ANXA3: variants seen among roughly 807,000 people sequenced by gnomAD.
The protein encoded by ANXA3 is annexin A3, also known as 35-alpha calcimedin.
A neutral mutation model predicts 48.8 loss-of-function variants in ANXA3; 46 were observed. The observed-to-expected ratio is 0.94, with a 90% CI of 0.74 to 1.21. The LOEUF is 1.21. Among genes scored for constraint, ANXA3 ranks in the 50% most tolerant of loss-of-function variants. ANXA3 has a pLI of 0.00. For synonymous variants in ANXA3, 128 were observed against 134.7 expected (o/e 0.95, Z 0.35); for missense variants, 383 against 378.6 (o/e 1.01, Z -0.10).
chr4:78,591,791 C>A (rs908474576), intron 7 of ANXA3, among the ~76,000 whole-genome samples, 168 bp downstream of exon 7: 2 of 152,106 alleles, frequency 1.3e-5, no homozygotes, highest in Non-Finnish European at 2.9e-5. Context: ...TAATGTTTAA[C>A]CAAGATCATA....
intron 7 of ANXA3, among the ~76,000 whole-genome samples, chr4:78,595,050 T>C (rs749735048): frequency 1.3e-5 from 2 of 152,188 alleles, no homozygotes; most frequent in Non-Finnish European, 2.9e-5. Flanking sequence ...AGCGGGAAGA[T>C]GGCTTGAGCC....
chr4:78,564,742 A>T (rs182949107), intron 2 of ANXA3, among the ~76,000 whole-genome samples: 1 of 152,340 alleles, frequency 6.6e-6, no homozygotes, highest in African/African-American at 2.4e-5. Context: ...GAGAGGACTG[A>T]AGGTAAAAAT....
chr4:78,570,569 G>C (rs555520055), intron 2 of ANXA3, among the ~76,000 whole-genome samples: 2 of 152,294 alleles, frequency 1.3e-5, no homozygotes, highest in East Asian at 3.9e-4. Flanking sequence ...ATCACTCCAG[G>C]TGGTACAGAG....
At position 78,597,424 on chromosome 4, in the gene ANXA3, C is replaced by T. The variant is rs1277698781; in HGVS notation, c.730+10C>T. 3 of 1,548,730 alleles carry T rather than the reference C, an allele frequency of 1.9e-6. No homozygotes were observed. Among genetic ancestry groups the T allele is most frequent in the Non-Finnish European group, 2.7e-6 (3 of 1,127,550 alleles). On this transcript the variant is annotated intron_variant, in intron 10 of 12. Transcript: ENST00000264908. ...TTACTGTTGGCCATAGGTAAGACTT[C>T]GAGTGCTGGTAAACTAAGTTACTTT...
rs1204678817 is a variant in ANXA3, at chr4:78,597,417, A to C, written c.730+3A>C. On this transcript the variant is annotated splice_donor_region_variant and intron_variant, in intron 10 of 12. Transcript: ENST00000264908. ...TGAAGACTTACTGTTGGCCATAGGT[A>C]AGACTTCGAGTGCTGGTAAACTAAG... 2.5e-6 allele frequency: 4 copies of C among 1,585,178 alleles called. No homozygotes were observed. In the African/African-American group the frequency reaches 5.4e-5, roughly 21 times the overall value.
At chr4:78,589,236 A>T (rs769649453) in intron 6 of ANXA3, among the ~76,000 whole-genome samples, 1 of 152,224 alleles carries the variant, frequency 6.6e-6, no homozygotes, top group Non-Finnish European at 1.5e-5. Context: ...ACCATTCAGG[A>T]TAGTGTTGTG....
chr4:78,587,970 C>A (rs1723211842), intron 6 of ANXA3, among the ~76,000 whole-genome samples: 3 of 152,092 alleles, frequency 2.0e-5, no homozygotes, highest in South Asian at 4.1e-4. Flanking sequence ...GTGGCGTGCA[C>A]CTGTAGTCCC....
chr4:78,587,189 A>T (rs1723197014), intron 6 of ANXA3, among the ~76,000 whole-genome samples: 2 of 152,212 alleles, frequency 1.3e-5, no homozygotes, highest in African/African-American at 4.8e-5. Context: ...TCACTTGATT[A>T]TTGGTAGCCT....
At chr4:78,591,496 A>G (rs757815431) in intron 6 of ANXA3, 48 bp from the exon 7 acceptor site, 17 of 1,290,922 alleles carry the variant, frequency 1.3e-5, no homozygotes, top group African/African-American at 3.0e-5. Flanking sequence ...TTTTATAATC[A>G]TATTTTTCAG....
intron 4 of ANXA3, among the ~76,000 whole-genome samples, chr4:78,580,614 A>G (rs112939653): frequency 2.0e-5 from 3 of 152,322 alleles, no homozygotes; most frequent in African/African-American, 7.2e-5. Context: ...AGACCCGGCC[A>G]ACTGTTGAGA....
At chr4:78,589,625 T>A (rs945507277) in intron 6 of ANXA3, among the ~76,000 whole-genome samples, 8 of 152,240 alleles carry the variant, frequency 5.3e-5, no homozygotes, top group African/African-American at 1.7e-4. Flanking sequence ...TTATAAATAT[T>A]TGTGCATAGC....
intron 2 of ANXA3, among the ~76,000 whole-genome samples, chr4:78,560,385 A>G (rs1042879607): frequency 2.0e-5 from 3 of 152,180 alleles, no homozygotes; most frequent in African/African-American, 7.2e-5. Flanking sequence ...AGAATGATTC[A>G]CAGAACTCAC....
Position 78,554,487 on chromosome 4 carries a change from G to A in ANXA3, c.14G>A (p.Trp5Ter). Residue 5 changes from tryptophan (W) to a stop codon, truncating the protein, a stop_gained and splice_region_variant, in exon 2 of 13, where the codon TGG becomes TAG. Transcript: ENST00000264908. LOFTEE classifies it high-confidence loss of function. MASI[W>*]VGHRGTVRDY... ...AGGTGGGATATCATGGCATCTATCT[G>A]GGTAAGTAAAAATTAAGCCTTCACA... The A allele has an allele frequency of 6.2e-7, 1 of 1,613,008 alleles. No individual in the cohort carries two copies. The highest frequency in any genetic ancestry group is 8.5e-7 in the Non-Finnish European group (1 of 1,179,440).
intron 2 of ANXA3, among the ~76,000 whole-genome samples, chr4:78,562,605 C>T (rs1722648612): frequency 6.6e-6 from 1 of 152,198 alleles, no homozygotes; most frequent in African/African-American, 2.4e-5. Flanking sequence ...TATTTACTAA[C>T]TATCTTTTAT....
At chr4:78,606,183 C>G (rs1366951816) in intron 12 of ANXA3, among the ~76,000 whole-genome samples, 2 of 152,220 alleles carry the variant, frequency 1.3e-5, no homozygotes, top group African/African-American at 4.8e-5. Context: ...CTTTGCTACT[C>G]CATCTACCCT....
intron 12 of ANXA3, among the ~76,000 whole-genome samples, chr4:78,609,359 G>A (rs1365783776): frequency 6.6e-6 from 1 of 152,190 alleles, no homozygotes; most frequent in Non-Finnish European, 1.5e-5. Context: ...CTCCTGTGAA[G>A]TCTTTTGCGT....
chr4:78,609,307 T>C (rs1723710096), intron 12 of ANXA3, among the ~76,000 whole-genome samples: 1 of 152,180 alleles, frequency 6.6e-6, no homozygotes, highest in African/African-American at 2.4e-5. Flanking sequence ...ATAAAAATAA[T>C]GTGAGCATCT....
At chr4:78,552,648 T>C (rs1722422952) in intron 1 of ANXA3, among the ~76,000 whole-genome samples, 1 of 152,176 alleles carries the variant, frequency 6.6e-6, no homozygotes, top group Non-Finnish European at 1.5e-5. Flanking sequence ...TGATACGAAA[T>C]TGCATAGCCC....
chr4:78,559,883 A>T (rs1722590747), intron 2 of ANXA3, among the ~76,000 whole-genome samples: 1 of 152,222 alleles, frequency 6.6e-6, no homozygotes, highest in Non-Finnish European at 1.5e-5. Context: ...AGCACTCAAT[A>T]AATGTTAGTT....
Sources: allele counts gnomAD v4.1 joint callset (sites outside exome capture counted in the v4.1 genomes callset), GRCh38; gene constraint gnomAD v4.1.1; transcripts MANE v1.5; gene names NCBI Gene and HGNC (gene_info 2026-07-23, HGNC 2026-07-21).